PAFAH1B3: variants seen among roughly 807,000 people sequenced by gnomAD.
PAFAH1B3 encodes the protein platelet-activating factor acetylhydrolase IB subunit alpha1.
Under a neutral mutation model 24.4 loss-of-function variants are expected in PAFAH1B3, and 15 were observed. That is an observed-to-expected ratio of 0.62 (90% CI 0.41 to 0.95). PAFAH1B3 has a LOEUF of 0.95. Ranked by LOEUF, PAFAH1B3 falls within the 40% of genes least tolerant of loss-of-function variation. The probability of loss-of-function intolerance (pLI) is 0.00; values close to 1 mark genes in which losing one functional copy is unlikely to be tolerated. For missense variants in PAFAH1B3, 266 were observed against 312.2 expected (o/e 0.85, Z 1.12); for synonymous variants, 144 against 126.5 (o/e 1.14, Z -0.93).
Position 42,297,317 on chromosome 19 carries a change from G to A in PAFAH1B3, c.457C>T (p.Arg153Ter), listed in dbSNP as rs759609760. 1.4e-5 allele frequency: 22 copies of A among 1,613,196 alleles called. No individual in the cohort carries two copies. The highest frequency in any genetic ancestry group is 2.2e-5 in the South Asian group (2 of 91,074). Residue 153 changes from arginine (R) to a stop codon, truncating the protein, a stop_gained, in exon 5 of 5, where the codon CGA (arginine) becomes TGA (stop). Transcript: ENST00000262890. LOFTEE classifies it high-confidence loss of function. ...QHPNPLREKN[R>*]QVNELVRAAL... ...GCCCGTACCAGCTCGTTCACCTGTCGGTTCTTCTCCCGAAGTGGGTTGGGA... is the reference window on the plus strand; with the variant it reads ...GCCCGTACCAGCTCGTTCACCTGTCAGTTCTTCTCCCGAAGTGGGTTGGGA...
chr19:42,302,161 C>A, intron 1 of PAFAH1B3, 71 bp downstream of exon 1: 2 of 1,502,650 alleles, frequency 1.3e-6, no homozygotes, highest in East Asian at 2.5e-5. Flanking sequence ...GAGAGTGGCA[C>A]GAACCAGCCG....
Position 42,302,337 on chromosome 19 carries a change from G to A in PAFAH1B3, c.-28C>T, listed in dbSNP as rs753341208. 14 of 1,573,318 alleles carry A rather than the reference G, an allele frequency of 8.9e-6. No individual in the cohort carries two copies. The South Asian group carries it at 1.4e-4, about 16-fold the overall frequency. Reference sequence around the variant, plus strand: ...TGGCGCCGCAGCTCCTGCAGGATGAGCGAGTCGGGTCGGCCCGGGAGTGTT... The same window carrying A: ...TGGCGCCGCAGCTCCTGCAGGATGAACGAGTCGGGTCGGCCCGGGAGTGTT... On this transcript the variant is annotated 5_prime_UTR_variant, in exon 1 of 5. Transcript: ENST00000262890.
intron 2 of PAFAH1B3, among the ~76,000 whole-genome samples, chr19:42,300,829 T>C (rs1313699216): frequency 1.3e-5 from 2 of 149,908 alleles, no homozygotes; most frequent in Non-Finnish European, 3.0e-5. Flanking sequence ...CTATTTATTT[T>C]TTGAGACGGA....
chr19:42,298,899 C>T (rs1012149557), intron 4 of PAFAH1B3, among the ~76,000 whole-genome samples: 44 of 151,966 alleles, frequency 2.9e-4, no homozygotes, highest in African/African-American at 9.9e-4. Flanking sequence ...CTGCAAGCTC[C>T]GCCCCCCGGG....
At position 42,302,339 on chromosome 19, in the gene PAFAH1B3, G is replaced by A. The variant is rs1008542685; in HGVS notation, c.-30C>T. On this transcript the variant is annotated 5_prime_UTR_variant, in exon 1 of 5. Transcript: ENST00000262890. The stretch of plus-strand genomic sequence containing the variant: ...GCGCCGCAGCTCCTGCAGGATGAGC[G>A]AGTCGGGTCGGCCCGGGAGTGTTCC... 9 of 1,565,722 alleles carry A rather than the reference G, an allele frequency of 5.7e-6. No homozygotes were observed. Among genetic ancestry groups the A allele is most frequent in the East Asian group, 2.3e-5 (1 of 42,920 alleles).
intron 3 of PAFAH1B3, 28 bp downstream of exon 3, chr19:42,300,143 T>G (rs2038595183): frequency 1.2e-6 from 2 of 1,613,766 alleles, no homozygotes; most frequent in Non-Finnish European, 8.5e-7. Context: ...CAAAAGATGT[T>G]TTAGAGCCCC....
chr19:42,301,584 C>T (rs2038627608), intron 2 of PAFAH1B3, among the ~76,000 whole-genome samples: 1 of 152,132 alleles, frequency 6.6e-6, no homozygotes, highest in African/African-American at 2.4e-5. Flanking sequence ...TGATTGAGTC[C>T]TCTTTGTGGA....
chr19:42,297,165 A>G lies in PAFAH1B3; in HGVS notation c.609T>C (p.Pro203=), dbSNP rs1474884915. The change falls in exon 5 of 5, where the codon CCT becomes CCC. Residue 203 remains proline (P), a synonymous_variant. Coordinates refer to ENST00000262890, the MANE Select transcript of PAFAH1B3 (RefSeq NM_002573.4). ...GCAGGGAGTGCAGAGCCCGGCAAAC[A>G]GGTGTGTAGCCCAGGCGGCTCAGAT... ...YLHLSRLGYT[P]VCRALHSLLL... 6.2e-7 allele frequency: 1 copy of G among 1,613,914 alleles called. No individual in the cohort carries two copies. The highest frequency in any genetic ancestry group is 8.5e-7 in the Non-Finnish European group (1 of 1,179,932).
intron 4 of PAFAH1B3, among the ~76,000 whole-genome samples, chr19:42,299,120 T>C (rs1363084370): frequency 1.7e-5 from 2 of 118,846 alleles, no homozygotes; most frequent in South Asian, 6.3e-4. Flanking sequence ...CGCACCCGGC[T>C]TTTTTTTTTT....
rs1239310324 is a variant in PAFAH1B3 at position 42,300,268 on chromosome 19, G to C, written c.188C>G (p.Ser63Cys). The C allele has an allele frequency of 1.2e-6, 2 of 1,614,236 alleles. No individual in the cohort carries two copies. The highest frequency in any genetic ancestry group is 1.7e-6 in the Non-Finnish European group (2 of 1,180,030). Residue 63 changes from serine (S) to cysteine (C), a missense_variant, in exon 3 of 5, where the codon TCT (serine) becomes TGT (cysteine). Coordinates refer to ENST00000262890, the MANE Select transcript of PAFAH1B3 (RefSeq NM_002573.4). ...GCCAAAGTTAAGTGCATGCAGAGGA[G>C]AGAAGAGCTCGCGCCAGATCTGTGG... is the stretch of plus-strand genomic sequence containing the variant. ...HQCEIWRELF[S>C]PLHALNFGIG...
At chr19:42,301,478 T>C (rs1020727009) in intron 2 of PAFAH1B3, among the ~76,000 whole-genome samples, 1 of 152,186 alleles carries the variant, frequency 6.6e-6, no homozygotes, top group African/African-American at 2.4e-5. Context: ...AAATCCAGTC[T>C]GCTTGAGCCA....
At chr19:42,301,928 G>T in intron 2 of PAFAH1B3, 22 bp downstream of exon 2, 1 of 1,538,824 alleles carries the variant, frequency 6.5e-7, no homozygotes. Flanking sequence ...GGATGGGGCA[G>T]GGGGAGAGGG....
rs554943793 is a variant in PAFAH1B3, at chr19:42,301,844, C to T, written c.168+106G>A. 4.6e-6 allele frequency: 4 copies of T among 860,364 alleles called. No homozygotes were observed. In the East Asian group the frequency reaches 1.1e-4, roughly 23 times the overall value. The allele number at this position is 860,364 out of a possible 1,614,324, so 53.3% of individuals were successfully genotyped here. ...TCTCAGAGCCTCGGGCTGCCTGAGG[C>T]CAATCTGGGTACTCTCATAATACCT... is the stretch of plus-strand genomic sequence containing the variant. On this transcript the variant is annotated intron_variant, in intron 2 of 4. Transcript: ENST00000262890.
intron 1 of PAFAH1B3, 53 bp from the exon 2 acceptor site, chr19:42,302,092 C>T: frequency 1.3e-6 from 2 of 1,512,002 alleles, no homozygotes; most frequent in Non-Finnish European, 1.8e-6. Context: ...AGGGCCCGCC[C>T]CGCCCTGCTC....
chr19:42,299,765 C>T (rs1301335031), intron 4 of PAFAH1B3, among the ~76,000 whole-genome samples: 1 of 152,090 alleles, frequency 6.6e-6, no homozygotes, highest in African/African-American at 2.4e-5. Flanking sequence ...AGTCTTAAGC[C>T]ATCCCTGGGC....
At chr19:42,301,544 T>C (rs192022749) in intron 2 of PAFAH1B3, among the ~76,000 whole-genome samples, 5 of 152,326 alleles carry the variant, frequency 3.3e-5, no homozygotes, top group African/African-American at 1.2e-4. Flanking sequence ...CCCATTACAG[T>C]TGGACATGCT....
At chr19:42,299,768 C>T in intron 4 of PAFAH1B3, 1 of 702,748 alleles carries the variant, frequency 1.4e-6, no homozygotes, top group Non-Finnish European at 2.4e-6. Flanking sequence ...CTTAAGCCAT[C>T]CCTGGGCAAA....
At chr19:42,300,871 G>GT in intron 2 of PAFAH1B3, among the ~76,000 whole-genome samples, 1 of 152,238 alleles carries the variant, frequency 6.6e-6, no homozygotes, top group African/African-American at 2.4e-5. Context: ...CTGGAGTGCA[G>GT]TAGTGCGATC....
chr19:42,297,490 G>T (rs1215295175), intron 4 of PAFAH1B3, 125 bp from the exon 5 acceptor site: 3 of 646,026 alleles, frequency 4.6e-6, no homozygotes, highest in Non-Finnish European at 8.2e-6. Context: ...ATGGGCAAGT[G>T]GGGAGGGTGG....
Sources: allele counts gnomAD v4.1 joint callset (sites outside exome capture counted in the v4.1 genomes callset), GRCh38; gene constraint gnomAD v4.1.1; transcripts MANE v1.5; gene names NCBI Gene and HGNC (gene_info 2026-07-23, HGNC 2026-07-21).